Variants in SPOCK1 observed in about 807,000 individuals in gnomAD.
SPOCK1 encodes testican-1.
Under a neutral mutation model 55.3 loss-of-function variants are expected in SPOCK1, and 23 were observed. That is an observed-to-expected ratio of 0.42 (90% CI 0.30 to 0.59). SPOCK1 has a LOEUF of 0.59. Ranked by LOEUF, SPOCK1 falls within the 20% of genes least tolerant of loss-of-function variation. The pLI, the probability that SPOCK1 is intolerant of heterozygous loss-of-function variation, is 0.22. For synonymous variants in SPOCK1, 226 were observed against 221.0 expected (o/e 1.02, Z -0.20); for missense variants, 499 against 552.5 (o/e 0.90, Z 0.97).
intron 3 of SPOCK1, among the ~76,000 whole-genome samples, chr5:137,181,436 C>G (rs775192237): frequency 1.3e-5 from 2 of 152,194 alleles, no homozygotes; most frequent in Non-Finnish European, 2.9e-5. Flanking sequence ...CACCAATCAA[C>G]AGGGGGCTGT....
At chr5:137,313,427 C>T in intron 2 of SPOCK1, 2 of 985,434 alleles carry the variant, frequency 2.0e-6, no homozygotes, top group Non-Finnish European at 1.2e-6. Flanking sequence ...AAGTGTCTTA[C>T]CTGCTGCAAG....
intron 7 of SPOCK1, among the ~76,000 whole-genome samples, chr5:136,990,281 A>C (rs1337290531): frequency 6.6e-6 from 1 of 152,102 alleles, no homozygotes; most frequent in Non-Finnish European, 1.5e-5. Flanking sequence ...AAATAAGTAC[A>C]GCATCTCCTC....
intron 6 of SPOCK1, among the ~76,000 whole-genome samples, chr5:137,023,475 T>C (rs1045778392): frequency 6.6e-6 from 1 of 152,080 alleles, no homozygotes; most frequent in East Asian, 1.9e-4. Context: ...TAGGGACAGA[T>C]TTGAAGGCAG....
At chr5:137,118,419 C>T (rs1753629069) in intron 4 of SPOCK1, among the ~76,000 whole-genome samples, 1 of 152,188 alleles carries the variant, frequency 6.6e-6, no homozygotes, top group Non-Finnish European at 1.5e-5. Flanking sequence ...CTCCGCACGT[C>T]AGTGTTTCCC....
intron 2 of SPOCK1, among the ~76,000 whole-genome samples, chr5:137,268,335 ATTT>A (rs1756896389): frequency 6.6e-6 from 1 of 152,150 alleles, no homozygotes. Context: ...GCACTAAATT[ATTT>A]TTAGTTTCAA....
intron 2 of SPOCK1, among the ~76,000 whole-genome samples, chr5:137,421,742 T>C (rs898060141): frequency 4.6e-5 from 7 of 152,252 alleles, no homozygotes; most frequent in African/African-American, 1.7e-4. Context: ...GGGTCTTGAC[T>C]CTTTATTCAA....
chr5:137,416,416 GT>G (rs1354968437), intron 2 of SPOCK1, among the ~76,000 whole-genome samples: 13 of 152,138 alleles, frequency 8.5e-5, no homozygotes, highest in African/African-American at 3.1e-4. Flanking sequence ...ATCAACATTA[GT>G]TATATATATT....
intron 2 of SPOCK1, among the ~76,000 whole-genome samples, chr5:137,421,365 T>C (rs1752490072): frequency 6.6e-6 from 1 of 152,202 alleles, no homozygotes; most frequent in Admixed American, 6.5e-5. Flanking sequence ...TAACTTTCTG[T>C]CTCGTTGATC....
At chr5:137,378,528 G>C (rs1355869600) in intron 2 of SPOCK1, among the ~76,000 whole-genome samples, 2 of 152,218 alleles carry the variant, frequency 1.3e-5, no homozygotes, top group Admixed American at 1.3e-4. Context: ...AGCTAGATAC[G>C]CTAATGAACC....
chr5:137,214,520 T>C (rs1755677267), intron 3 of SPOCK1, among the ~76,000 whole-genome samples: 1 of 147,158 alleles, frequency 6.8e-6, no homozygotes, highest in Non-Finnish European at 1.5e-5. Context: ...CCAAGCAGAC[T>C]TGTGGCACAT....
At chr5:137,123,698 C>T (rs1426713343) in intron 4 of SPOCK1, among the ~76,000 whole-genome samples, 1 of 152,058 alleles carries the variant, frequency 6.6e-6, no homozygotes. Flanking sequence ...AGGAAAGCTA[C>T]CTCAGAAAGT....
rs148018842 is a variant in SPOCK1, at chr5:137,396,623, G to C, written c.186+101750C>G. ...TGAGCACACATCTAGGTTGTGATTA[G>C]GGGAAGGCAATGAACATTCTCTGGT... On this transcript the variant is annotated intron_variant, in intron 2 of 10. Transcript: ENST00000394945. Among the ~76,000 whole-genome samples the C allele has an allele frequency of 1.4e-3, 208 of 152,344 alleles. 1 individual carries two copies. The highest frequency in any genetic ancestry group is 4.7e-3 in the African/African-American group (197 of 41,580).
At chr5:137,147,062 C>A (rs1307041301) in intron 3 of SPOCK1, among the ~76,000 whole-genome samples, 1 of 152,088 alleles carries the variant, frequency 6.6e-6, no homozygotes, top group African/African-American at 2.4e-5. Context: ...AAGATAAAAG[C>A]ATCTTCTCTG....
At chr5:137,317,807 G>A (rs978811141) in intron 2 of SPOCK1, among the ~76,000 whole-genome samples, 8 of 152,104 alleles carry the variant, frequency 5.3e-5, no homozygotes, top group South Asian at 2.1e-4. Flanking sequence ...AACTAGTCAC[G>A]ATGGGCATAT....
chr5:137,323,248 AT>A (rs879545824), intron 2 of SPOCK1, among the ~76,000 whole-genome samples: 20 of 152,086 alleles, frequency 1.3e-4, no homozygotes, highest in African/African-American at 1.7e-4. Flanking sequence ...AGTTTAATGG[AT>A]TTTTTTTAAA....
chr5:137,362,618 G>A lies in SPOCK1; in HGVS notation c.187-95563C>T, dbSNP rs181852312. Among the ~76,000 whole-genome samples, 19 of 152,108 alleles carry A rather than the reference G, an allele frequency of 1.2e-4. No homozygotes were observed. The East Asian group carries it at 2.5e-3, about 20-fold the overall frequency. On this transcript the variant is annotated intron_variant, in intron 2 of 10. Coordinates refer to ENST00000394945, the MANE Select transcript of SPOCK1 (RefSeq NM_004598.4). ...GCTGAGATTATAGGCATGAGCCACC[G>A]CGCCCGGCCAGCAAACTTTTAATGT...
intron 3 of SPOCK1, among the ~76,000 whole-genome samples, chr5:137,223,187 C>T (rs78759246): frequency 6.6e-6 from 1 of 152,020 alleles, no homozygotes; most frequent in East Asian, 1.9e-4. Context: ...ACCACCATTT[C>T]CATCAATTAA....
intron 2 of SPOCK1, among the ~76,000 whole-genome samples, chr5:137,297,348 G>T (rs2030938877): frequency 6.6e-6 from 1 of 152,088 alleles, no homozygotes; most frequent in African/African-American, 2.4e-5. Flanking sequence ...TGCTTCCAAA[G>T]AATCTGAAAT....
intron 6 of SPOCK1, among the ~76,000 whole-genome samples, chr5:137,037,494 GTT>G (rs1375707932): frequency 6.6e-6 from 1 of 151,966 alleles, no homozygotes; most frequent in Non-Finnish European, 1.5e-5. Context: ...AACAAACACT[GTT>G]TGAATTCATT....
Sources: allele counts gnomAD v4.1 joint callset (sites outside exome capture counted in the v4.1 genomes callset), GRCh38; gene constraint gnomAD v4.1.1; transcripts MANE v1.5; gene names NCBI Gene and HGNC (gene_info 2026-07-23, HGNC 2026-07-21).